Variants in CCDC73 observed in about 807,000 individuals in gnomAD.
CCDC73 encodes the protein coiled-coil domain-containing protein 73.
In CCDC73, 95 loss-of-function variants were observed where a neutral mutation model predicts 116.5. The observed-to-expected ratio is 0.82, with a 90% CI of 0.69 to 0.97. CCDC73 has a LOEUF of 0.97. Among genes scored for constraint, CCDC73 ranks in the 50% least tolerant of loss-of-function variants. The pLI is 0.00. For missense variants in CCDC73, 1,066 were observed against 1,206.8 expected (o/e 0.88, Z 1.73); for synonymous variants, 398 against 401.3 (o/e 0.99, Z 0.10).
At chr11:32,612,631 G>T (rs1383382612) in intron 16 of CCDC73, among the ~76,000 whole-genome samples, 2 of 151,876 alleles carry the variant, frequency 1.3e-5, no homozygotes, top group African/African-American at 4.8e-5. Flanking sequence ...CAGCTGCTCA[G>T]GAGGCTGAGG....
intron 2 of CCDC73, among the ~76,000 whole-genome samples, chr11:32,747,160 A>T (rs1042898413): frequency 6.6e-6 from 1 of 152,060 alleles, no homozygotes; most frequent in East Asian, 1.9e-4. Flanking sequence ...TCTGTTTGTT[A>T]GTTTTCCTTC....
intron 7 of CCDC73, among the ~76,000 whole-genome samples, chr11:32,678,214 G>A (rs1008257417): frequency 2.0e-5 from 3 of 152,132 alleles, no homozygotes; most frequent in Non-Finnish European, 4.4e-5. Context: ...TGGGGGCAAA[G>A]GTTGCAGTGA....
chr11:32,606,638 A>G lies in CCDC73; in HGVS notation c.3031-3618T>C, dbSNP rs1855354573. ...AACATTTTTTCTATTGTGAAAGTTA[A>G]GAAAGTATAATATAGCATTTGACTA... is the stretch of plus-strand genomic sequence containing the variant. On this transcript the variant is annotated intron_variant, in intron 17 of 17. Coordinates refer to ENST00000335185, the MANE Select transcript of CCDC73 (RefSeq NM_001008391.4). 2.0e-5 allele frequency among the ~76,000 whole-genome samples: 3 copies of G among 152,216 alleles called. No individual in the cohort carries two copies. In the South Asian group the frequency reaches 6.2e-4, roughly 31 times the overall value.
At chr11:32,662,017 T>A (rs530497338) in intron 9 of CCDC73, among the ~76,000 whole-genome samples, 1 of 152,284 alleles carries the variant, frequency 6.6e-6, no homozygotes, top group East Asian at 1.9e-4. Flanking sequence ...CATGAACTCA[T>A]CCTTTTTTAT....
At chr11:32,699,874 T>TTA (rs1554965666) in intron 5 of CCDC73, among the ~76,000 whole-genome samples, 4 of 25,762 alleles carry the variant, frequency 1.6e-4, no homozygotes, top group Admixed American at 4.6e-4. Flanking sequence ...GAACTTAGAT[T>TTA]AAAAAATATA....
chr11:32,764,783 T>C (rs1850425222), intron 1 of CCDC73, among the ~76,000 whole-genome samples: 1 of 152,158 alleles, frequency 6.6e-6, no homozygotes, highest in Non-Finnish European at 1.5e-5. Context: ...TAAATGTAAA[T>C]GGGCTAAATG....
In CCDC73 at chr11:32,675,653, T is replaced by C. The variant is rs754666350; in HGVS notation, c.566-9A>G. ...TTGTATTGCTTCCCGTACTGCAACA[T>C]GAAAGACATTTAAGAAAGCATTATA... On this transcript the variant is annotated splice_polypyrimidine_tract_variant and intron_variant, in intron 8 of 17. Transcript: ENST00000335185. 5 of 1,572,172 alleles carry C rather than the reference T, an allele frequency of 3.2e-6. No individual in the cohort carries two copies. Among genetic ancestry groups the C allele is most frequent in the Non-Finnish European group, 4.3e-6 (5 of 1,161,600 alleles).
In CCDC73 at chr11:32,644,932, T is replaced by C. The variant is rs138670649; in HGVS notation, c.940-2850A>G. On this transcript the variant is annotated intron_variant, in intron 12 of 17. Transcript: ENST00000335185. ...TCCATTTTGTTGTGTGAATCAGTAG[T>C]TGGTTCTCTTTTACCGCTGAGTAAT... Among the ~76,000 whole-genome samples, 3 of 152,324 alleles carry C rather than the reference T, an allele frequency of 2.0e-5. 1 individual carries two copies. Among genetic ancestry groups the C allele is most frequent in the Non-Finnish European group, 4.4e-5 (3 of 68,026 alleles).
At chr11:32,688,142 G>T (rs1856222473) in intron 6 of CCDC73, among the ~76,000 whole-genome samples, 1 of 152,150 alleles carries the variant, frequency 6.6e-6, no homozygotes, top group Admixed American at 6.6e-5. Context: ...AAGGAGAAAA[G>T]ATTAACTTTA....
intron 16 of CCDC73, among the ~76,000 whole-genome samples, chr11:32,611,767 G>A (rs140014651): frequency 8.9e-4 from 135 of 152,308 alleles, no homozygotes; most frequent in Non-Finnish European, 1.8e-3. Context: ...ATAGAAATGA[G>A]TTAGAGAAGT....
chr11:32,760,327 T>C (rs1850381681), intron 1 of CCDC73, 69 bp from the exon 2 acceptor site: 5 of 889,752 alleles, frequency 5.6e-6, no homozygotes, highest in Non-Finnish European at 8.7e-6. Flanking sequence ...ATAGTTACCA[T>C]AAAAATATAA....
At chr11:32,637,011 CTTTTTCTTTT>C (rs1215121695) in intron 13 of CCDC73, among the ~76,000 whole-genome samples, 1 of 62,316 alleles carries the variant, frequency 1.6e-5, no homozygotes, top group Non-Finnish European at 3.5e-5. Flanking sequence ...TTCACTTTTT[CTTTTTCTTTT>C]TTTTTTTTTT....
intron 1 of CCDC73, among the ~76,000 whole-genome samples, chr11:32,788,704 G>A (rs553029439): frequency 8.5e-5 from 13 of 152,162 alleles, no homozygotes; most frequent in Middle Eastern, 6.8e-3. Flanking sequence ...GGGCTCAAGC[G>A]GTCCTCCCAC....
rs144790792 is a variant in CCDC73, at chr11:32,657,275, A to G, written c.646-2303T>C. ...ATTCAAAATCCAGGAGAAAGGACTC[A>G]TTGGTCTTAGTTCAAATATCACCTT... On this transcript the variant is annotated intron_variant, in intron 9 of 17. Transcript: ENST00000335185. 4.7e-3 allele frequency among the ~76,000 whole-genome samples: 710 copies of G among 152,338 alleles called. 3 individuals are homozygous for G. Among genetic ancestry groups the G allele is most frequent in the African/African-American group, 0.016 (673 of 41,588 alleles).
intron 3 of CCDC73, among the ~76,000 whole-genome samples, chr11:32,707,884 T>TA (rs1849868927): frequency 2.0e-5 from 3 of 152,176 alleles, no homozygotes; most frequent in African/African-American, 7.2e-5. Flanking sequence ...CTATATAACT[T>TA]ACGTGCTCAA....
the CCDC73 span, chr11:32,830,472 C>A: frequency 7.4e-7 from 1 of 1,345,516 alleles, no homozygotes. Context: ...GAGCTAGGGG[C>A]CTTTTTTTTT....
At chr11:32,754,653 G>A (rs1850316573) in intron 2 of CCDC73, among the ~76,000 whole-genome samples, 1 of 152,116 alleles carries the variant, frequency 6.6e-6, no homozygotes, top group African/African-American at 2.4e-5. Flanking sequence ...AAATTCAATT[G>A]ACAGAAAACT....
chr11:32,811,246 C>A, the CCDC73 span, among the ~76,000 whole-genome samples: 1 of 152,182 alleles, frequency 6.6e-6, no homozygotes, highest in African/African-American at 2.4e-5. Context: ...GTTAACTAGT[C>A]ACTCTCCTGA....
the CCDC73 span, chr11:32,830,396 C>T: frequency 2.1e-6 from 2 of 967,714 alleles, no homozygotes; most frequent in Non-Finnish European, 2.8e-6. Flanking sequence ...GCGCGCCGGG[C>T]GCTCTTGCGC....
Sources: allele counts gnomAD v4.1 joint callset (sites outside exome capture counted in the v4.1 genomes callset), GRCh38; gene constraint gnomAD v4.1.1; transcripts MANE v1.5; gene names NCBI Gene and HGNC (gene_info 2026-07-23, HGNC 2026-07-21).